The following BMAL1 variants were observed in gnomAD, a reference collection of about 807,000 sequenced individuals.
The protein encoded by BMAL1 is basic helix-loop-helix ARNT-like protein 1.
chr11:13,355,172 GGGAAAATCTCCGA>G, the BMAL1 span: 2 of 1,513,460 alleles, frequency 1.3e-6, no homozygotes, highest in African/African-American at 2.7e-5. Flanking sequence ...TGTTTAATGA[GGGAAAATCTCCGA>G]GGAGGTATAC....
the BMAL1 span, among the ~76,000 whole-genome samples, chr11:13,312,948 T>C: frequency 1.3e-5 from 2 of 152,198 alleles, no homozygotes; most frequent in South Asian, 4.1e-4. Context: ...GGTATGATCA[T>C]GCTCTGAAAT....
chr11:13,366,313 G>A, the BMAL1 span, among the ~76,000 whole-genome samples: 6 of 152,068 alleles, frequency 3.9e-5, no homozygotes, highest in Non-Finnish European at 5.9e-5. Flanking sequence ...TATGATATGC[G>A]TGACTTGCTT....
the BMAL1 span, chr11:13,386,448 A>G: frequency 1.2e-6 from 1 of 822,528 alleles, no homozygotes; most frequent in Non-Finnish European, 1.8e-6. Context: ...AGCGATATAA[A>G]AAAAGATAGC....
the BMAL1 span, among the ~76,000 whole-genome samples, chr11:13,381,981 CAGAG>C: frequency 6.6e-5 from 10 of 152,200 alleles, no homozygotes; most frequent in African/African-American, 1.4e-4. Flanking sequence ...TCTCCTAAAA[CAGAG>C]AGAGAGAATA....
the BMAL1 span, among the ~76,000 whole-genome samples, chr11:13,375,986 A>G: frequency 2.0e-5 from 3 of 152,230 alleles, no homozygotes; most frequent in Non-Finnish European, 4.4e-5. Flanking sequence ...AAACTGCTCC[A>G]GGAAATAGCA....
At chr11:13,353,514 A>G in the BMAL1 span, 1 of 152,186 alleles carries the variant, frequency 6.6e-6, no homozygotes, top group Non-Finnish European at 1.5e-5. Context: ...ATGTTTATTG[A>G]TTAGAAGAAA....
the BMAL1 span, among the ~76,000 whole-genome samples, chr11:13,299,927 A>G: frequency 1.3e-5 from 2 of 152,184 alleles, no homozygotes; most frequent in Admixed American, 6.5e-5. Flanking sequence ...CACACTGGAG[A>G]GGACCAAGCT....
At chr11:13,302,662 G>T in the BMAL1 span, among the ~76,000 whole-genome samples, 1 of 152,244 alleles carries the variant, frequency 6.6e-6, no homozygotes, top group East Asian at 1.9e-4. Context: ...CTTTTCTTGA[G>T]CTTTGCTGTG....
the BMAL1 span, among the ~76,000 whole-genome samples, chr11:13,361,637 G>A: frequency 6.6e-6 from 1 of 152,160 alleles, no homozygotes; most frequent in Non-Finnish European, 1.5e-5. Flanking sequence ...AAATTGGAAA[G>A]CATTCACCTG....
the BMAL1 span, among the ~76,000 whole-genome samples, chr11:13,360,157 A>T: frequency 6.6e-6 from 1 of 152,162 alleles, no homozygotes; most frequent in Non-Finnish European, 1.5e-5. Context: ...CTTCCATGGA[A>T]TTCTCTTTGG....
the BMAL1 span, among the ~76,000 whole-genome samples, chr11:13,298,168 A>G: frequency 6.6e-6 from 1 of 152,142 alleles, no homozygotes; most frequent in African/African-American, 2.4e-5. Context: ...TTCCTCCCCA[A>G]CTTATGCATT....
the BMAL1 span, among the ~76,000 whole-genome samples, chr11:13,306,097 G>T: frequency 6.6e-6 from 1 of 152,280 alleles, no homozygotes; most frequent in East Asian, 1.9e-4. Flanking sequence ...TTCTTAGCAG[G>T]TGGAATCAGG....
the BMAL1 span, among the ~76,000 whole-genome samples, chr11:13,372,626 G>A: frequency 6.6e-6 from 1 of 151,954 alleles, no homozygotes; most frequent in South Asian, 2.1e-4. Flanking sequence ...CCTGGGCAAC[G>A]TGGCAAAACC....
chr11:13,339,740 G>A, the BMAL1 span, among the ~76,000 whole-genome samples: 1 of 152,060 alleles, frequency 6.6e-6, no homozygotes, highest in Non-Finnish European at 1.5e-5. Flanking sequence ...CCTCCTTGGG[G>A]CCTTTCTAAC....
At chr11:13,279,373 T>G in the BMAL1 span, among the ~76,000 whole-genome samples, 9 of 152,368 alleles carry the variant, frequency 5.9e-5, no homozygotes, top group African/African-American at 2.2e-4. Flanking sequence ...TCATTTGTCC[T>G]TCTGACATCT....
At chr11:13,298,897 G>A in the BMAL1 span, among the ~76,000 whole-genome samples, 3 of 152,244 alleles carry the variant, frequency 2.0e-5, no homozygotes, top group African/African-American at 2.4e-5. Context: ...CACTGCAGTA[G>A]TGGGCTTATC....
At chr11:13,379,996 C>CA in the BMAL1 span, 1 of 152,174 alleles carries the variant, frequency 6.6e-6, no homozygotes, top group Admixed American at 6.5e-5. Flanking sequence ...GCATGTTTGA[C>CA]AACTCAGGAA....
the BMAL1 span, among the ~76,000 whole-genome samples, chr11:13,343,658 C>T: frequency 6.6e-6 from 1 of 152,156 alleles, no homozygotes; most frequent in East Asian, 1.9e-4. Context: ...AGAAGACATC[C>T]CTTTTATCAT....
chr11:13,365,353 A>G, the BMAL1 span: 1 of 557,536 alleles, frequency 1.8e-6, no homozygotes, highest in East Asian at 3.4e-5. Flanking sequence ...GTTTGTTTTC[A>G]GCATCCTGCA....
Sources: gnomAD v4.1 joint callset for allele counts (sites outside exome capture counted in the v4.1 genomes callset) on GRCh38, gnomAD v4.1.1 for gene constraint, MANE v1.5 for transcripts, NCBI Gene and HGNC (gene_info 2026-07-23, HGNC 2026-07-21) for gene names.